Variants in FRY observed in about 807,000 individuals in gnomAD.
FRY encodes protein furry homolog.
A neutral mutation model predicts 348.4 loss-of-function variants in FRY; 128 were observed. That is an observed-to-expected ratio of 0.37 (90% confidence interval 0.32 to 0.43). The LOEUF (loss-of-function observed/expected upper bound fraction) is 0.43, where lower values mean the gene tolerates loss of function less well. Among genes scored for constraint, FRY ranks in the 20% least tolerant of loss-of-function variants. The pLI is 1.00. For missense variants in FRY, 2,736 were observed against 3,695.2 expected, an observed-to-expected ratio of 0.74 and a Z score of 6.73; for synonymous variants, 1,370 against 1,374.7, an observed-to-expected ratio of 1.00 and a Z score of 0.08.
chr13:32,080,108 A>G (rs1373977249), intron 2 of FRY, among the ~76,000 whole-genome samples: 2 of 152,314 alleles, frequency 1.3e-5, no homozygotes, highest in African/African-American at 4.8e-5. Flanking sequence ...GCACATTAAA[A>G]TTTTTATTGT....
At chr13:32,287,983 C>T (rs150671414) in intron 58 of FRY, 2 of 343,638 alleles carry the variant, frequency 5.8e-6, no homozygotes, top group East Asian at 2.0e-4. Flanking sequence ...CATGTTCTCC[C>T]TTTCTCATTT....
rs191918881 is a variant in FRY, at chr13:32,236,095, G to T, written c.5733G>T (p.Ala1911=). The part of the protein sequence containing the change: ...GDEIQGYVME[A]LLTLEAAVDN... The stretch of plus-strand genomic sequence containing the variant: ...TTTGGCAGGGTTATGTAATGGAAGC[G>T]CTCCTAACCTTGGAGGCGGCTGTGG... Residue 1911 remains alanine (A), a synonymous_variant, in exon 43 of 61, where the codon GCG becomes GCT. Coordinates refer to ENST00000542859, the MANE Select transcript of FRY (RefSeq NM_023037.3). The T allele has an allele frequency of 3.7e-6, 6 of 1,613,038 alleles. No individual in the cohort carries two copies. Among genetic ancestry groups the T allele is most frequent in the Non-Finnish European group, 5.1e-6 (6 of 1,179,210 alleles).
intron 55 of FRY, among the ~76,000 whole-genome samples, chr13:32,268,938 A>C (rs1402642545): frequency 1.3e-5 from 2 of 152,222 alleles, no homozygotes; most frequent in Non-Finnish European, 1.5e-5. Flanking sequence ...GCAAAGGAAA[A>C]AAATGGAAAG....
chr13:32,238,454 G>GT (rs1291901737), intron 44 of FRY, among the ~76,000 whole-genome samples: 2 of 136,954 alleles, frequency 1.5e-5, no homozygotes, highest in Non-Finnish European at 3.1e-5. Context: ...GTTTTGTTTT[G>GT]TTTTGTTTTT....
rs780466356 is a variant in FRY, at chr13:32,237,544, C to T, written c.5976C>T (p.Asp1992=). 1.9e-6 allele frequency: 3 copies of T among 1,613,986 alleles called. No individual in the cohort carries two copies. In the East Asian group the frequency reaches 6.7e-5, roughly 36 times the overall value. The change falls in exon 44 of 61, where the codon GAC becomes GAT. Residue 1992 remains aspartate (D), a synonymous_variant. Transcript: ENST00000542859. The surrounding 1 kb of genome is among the most constrained non-coding windows in gnomAD (Gnocchi z 6.3). ...TGCCCAAGAAGTTTGGTGTCATCGACCGATCCTCTGACCCACCTCGAAGTG... is the reference window on the plus strand; with the variant it reads ...TGCCCAAGAAGTTTGGTGTCATCGATCGATCCTCTGACCCACCTCGAAGTG... ...FSVPKKFGVI[D]RSSDPPRSAT...
intron 55 of FRY, among the ~76,000 whole-genome samples, chr13:32,273,737 A>G (rs1214483369): frequency 6.6e-6 from 1 of 152,204 alleles, no homozygotes; most frequent in Non-Finnish European, 1.5e-5. Context: ...GGGAAGCAGA[A>G]AAGAGTTACG....
chr13:32,226,649 AT>A (rs200643318), intron 39 of FRY, among the ~76,000 whole-genome samples: 8 of 150,914 alleles, frequency 5.3e-5, no homozygotes, highest in Admixed American at 6.6e-5. Flanking sequence ...TCAGGGACTA[AT>A]TTTTTTTTTA....
rs748889366 is a variant in FRY at position 32,224,810 on chromosome 13, G to T, written c.4917-123G>T. 5.6e-6 allele frequency: 4 copies of T among 719,692 alleles called. No individual in the cohort carries two copies. In the East Asian group the frequency reaches 1.1e-4, roughly 19 times the overall value. The allele number at this position is 719,692 out of a possible 1,614,324, so 44.6% of individuals were successfully genotyped here. A position where few individuals can be genotyped will look rare whatever the true frequency, so the allele number is the denominator to read the frequency against. On this transcript the variant is annotated intron_variant, in intron 37 of 60. Coordinates refer to ENST00000542859, the MANE Select transcript of FRY (RefSeq NM_023037.3). ...TTACAAGTTAAACTCTATTTCCCCC[G>T]AATAAGAGCCTTATATAATGTTTTA...
chr13:32,285,778 TGTC>T (rs1234065709), intron 58 of FRY, among the ~76,000 whole-genome samples: 1 of 152,246 alleles, frequency 6.6e-6, no homozygotes, highest in African/African-American at 2.4e-5. Flanking sequence ...TATTTGATGT[TGTC>T]CAAAAAGTCT....
chr13:32,065,040 A>G (rs1447486004), intron 1 of FRY, among the ~76,000 whole-genome samples: 1 of 152,384 alleles, frequency 6.6e-6, no homozygotes, highest in African/African-American at 2.4e-5. Flanking sequence ...AACCTGAATT[A>G]CAGATGGTGT....
chr13:32,205,583 A>G (rs952150686), intron 31 of FRY, among the ~76,000 whole-genome samples: 3 of 152,122 alleles, frequency 2.0e-5, no homozygotes, highest in African/African-American at 7.2e-5. Flanking sequence ...GGCCAAAATC[A>G]TTATCTTGGA....
At chr13:32,098,414 G>A (rs1039324429) in intron 2 of FRY, among the ~76,000 whole-genome samples, 2 of 151,974 alleles carry the variant, frequency 1.3e-5, no homozygotes, top group African/African-American at 4.8e-5. Flanking sequence ...CATTTCTGGG[G>A]CCTGCCACCT....
chr13:32,289,237 C>T (rs1889217242), intron 58 of FRY, among the ~76,000 whole-genome samples: 1 of 152,122 alleles, frequency 6.6e-6, no homozygotes, highest in Admixed American at 6.5e-5. Context: ...CCTAGAACTA[C>T]TTAATGTTTT....
intron 53 of FRY, among the ~76,000 whole-genome samples, chr13:32,263,652 A>G (rs1887782443): frequency 6.6e-6 from 1 of 152,248 alleles, no homozygotes. Flanking sequence ...TCTCAATGTC[A>G]ATATGGTCAT....
intron 58 of FRY, chr13:32,287,741 G>A (rs1008275979): frequency 8.4e-6 from 2 of 238,908 alleles, no homozygotes; most frequent in East Asian, 1.2e-4. Flanking sequence ...TCAAGTTTGG[G>A]TGAGCAATGC....
intron 1 of FRY, among the ~76,000 whole-genome samples, chr13:32,041,857 A>T (rs1484174811): frequency 6.6e-6 from 1 of 152,242 alleles, no homozygotes; most frequent in Non-Finnish European, 1.5e-5. Context: ...ATCCTAGTTC[A>T]TGCCAATTGA....
chr13:32,036,868 A>G (rs368236101), intron 1 of FRY, among the ~76,000 whole-genome samples: 5 of 152,122 alleles, frequency 3.3e-5, no homozygotes, highest in African/African-American at 1.2e-4. Context: ...TAATCACTCA[A>G]AGGACCAAAG....
rs772247840 is a variant in FRY, at chr13:32,237,586, T to C, written c.6018T>C (p.Ile2006=). ...CTCGAAGTGCCACACTGGACAGAAT[T>C]CAGGCTTGTACCCAACAAGGCCTCT... ...DPPRSATLDR[I]QACTQQGLSS... Residue 2006 remains isoleucine (I), a synonymous_variant, in exon 44 of 61, where the codon ATT becomes ATC. Transcript: ENST00000542859. This position sits in a 1 kb window ranked among gnomAD's most constrained non-coding sequence, Gnocchi z 6.3. The C allele has an allele frequency of 1.7e-5, 27 of 1,613,988 alleles. No individual in the cohort carries two copies. The highest frequency in any genetic ancestry group is 1.5e-4 in the Admixed American group (9 of 59,986).
chr13:32,099,438 G>T (rs1359458843), intron 2 of FRY, among the ~76,000 whole-genome samples: 10 of 151,398 alleles, frequency 6.6e-5, no homozygotes, highest in Admixed American at 5.9e-4. Context: ...CGCGTGAGTT[G>T]AGTCATTTTG....
Sources: allele counts gnomAD v4.1 joint callset (sites outside exome capture counted in the v4.1 genomes callset), GRCh38; gene constraint gnomAD v4.1.1; non-coding constraint Gnocchi (gnomAD v3.1); transcripts MANE v1.5; gene names NCBI Gene and HGNC (gene_info 2026-07-23, HGNC 2026-07-21).